Variants in SDK1 observed in about 807,000 individuals in gnomAD.
SDK1 encodes protein sidekick-1.
Under a neutral mutation model 245.5 loss-of-function variants are expected in SDK1, and 157 were observed. The observed-to-expected ratio is 0.64, with a 90% CI of 0.56 to 0.73. The LOEUF (loss-of-function observed/expected upper bound fraction) is 0.73. Among genes scored for constraint, SDK1 ranks in the 30% least tolerant of loss-of-function variants. The pLI, the probability that SDK1 is intolerant of heterozygous loss-of-function variation, is 0.00. For synonymous variants in SDK1, 1,647 were observed against 1,278.5 expected (o/e 1.29, Z -6.15); for missense variants, 3,583 against 3,002.3 (o/e 1.19, Z -4.52).
At chr7:3,599,429 C>T (rs1403283142) in intron 1 of SDK1, among the ~76,000 whole-genome samples, 2 of 152,170 alleles carry the variant, frequency 1.3e-5, no homozygotes, top group African/African-American at 4.8e-5. Flanking sequence ...TCTGTCTTCT[C>T]ATCTCTCCGT....
chr7:4,218,335 G>A (rs1784950481), intron 38 of SDK1, among the ~76,000 whole-genome samples: 1 of 152,146 alleles, frequency 6.6e-6, no homozygotes, highest in Non-Finnish European at 1.5e-5. Flanking sequence ...GGAGGTTGCA[G>A]TGAGCTGGGA....
intron 4 of SDK1, among the ~76,000 whole-genome samples, chr7:3,701,242 A>C (rs950020459): frequency 6.6e-6 from 1 of 152,250 alleles, no homozygotes; most frequent in South Asian, 2.1e-4. Context: ...GAACATATAC[A>C]GCACTTGATG....
intron 4 of SDK1, among the ~76,000 whole-genome samples, chr7:3,710,443 A>T (rs1326120090): frequency 2.0e-5 from 3 of 152,240 alleles, no homozygotes; most frequent in Non-Finnish European, 4.4e-5. Context: ...TAAAGTTCTC[A>T]TATTGGAATT....
intron 5 of SDK1, among the ~76,000 whole-genome samples, chr7:3,930,736 T>G (rs1779947658): frequency 6.6e-6 from 1 of 152,124 alleles, no homozygotes; most frequent in Non-Finnish European, 1.5e-5. Flanking sequence ...GAGGTTGCAG[T>G]GAGCTGAGAT....
intron 1 of SDK1, among the ~76,000 whole-genome samples, chr7:3,568,602 T>C (rs1443578583): frequency 6.6e-6 from 1 of 152,216 alleles, no homozygotes. Flanking sequence ...TATTGATCAC[T>C]ACATTCTAGA....
intron 1 of SDK1, among the ~76,000 whole-genome samples, chr7:3,559,064 G>T (rs1340045402): frequency 2.6e-5 from 4 of 152,122 alleles, no homozygotes; most frequent in Non-Finnish European, 5.9e-5. Flanking sequence ...GGTTAAGAAT[G>T]AAAATAGGAA....
At chr7:3,846,161 A>C (rs2115095101) in intron 5 of SDK1, among the ~76,000 whole-genome samples, 1 of 152,324 alleles carries the variant, frequency 6.6e-6, no homozygotes, top group South Asian at 2.1e-4. Flanking sequence ...TGAACTGAGT[A>C]GTAAAAGAGC....
intron 4 of SDK1, among the ~76,000 whole-genome samples, chr7:3,704,373 T>C (rs1303189653): frequency 2.0e-5 from 3 of 151,918 alleles, no homozygotes; most frequent in Non-Finnish European, 4.4e-5. Flanking sequence ...ATTTTTTTTT[T>C]TTTTACTTTT....
At chr7:3,381,669 G>A (rs946118306) in intron 1 of SDK1, among the ~76,000 whole-genome samples, 4 of 152,158 alleles carry the variant, frequency 2.6e-5, no homozygotes, top group African/African-American at 9.7e-5. Flanking sequence ...GGTGGAAGGG[G>A]TTGAGATCCA....
intron 1 of SDK1, among the ~76,000 whole-genome samples, chr7:3,391,437 G>A (rs1020986568): frequency 6.6e-6 from 1 of 151,930 alleles, no homozygotes; most frequent in Non-Finnish European, 1.5e-5. Context: ...GTTGTTTCTG[G>A]AGGTCTTGCT....
At chr7:3,592,558 A>G (rs899285474) in intron 1 of SDK1, among the ~76,000 whole-genome samples, 3 of 152,080 alleles carry the variant, frequency 2.0e-5, no homozygotes, top group African/African-American at 7.2e-5. Context: ...CTGCCCAGTG[A>G]AGGTTATTTA....
In SDK1 at chr7:3,303,068, C is replaced by G. The variant is rs558592994; in HGVS notation, c.298+1184C>G. ...TATCTAAATTGTGCCCCTCCACCCC[C>G]CTCCAGCTTTCATAAATGCTCCCTC... On this transcript the variant is annotated intron_variant, in intron 1 of 44. Coordinates refer to ENST00000404826, the MANE Select transcript of SDK1 (RefSeq NM_152744.4). Among the ~76,000 whole-genome samples, 6 of 152,298 alleles carry G rather than the reference C, an allele frequency of 3.9e-5. No individual in the cohort carries two copies. The South Asian group carries it at 6.2e-4, about 16-fold the overall frequency.
At chr7:3,441,545 C>G (rs1284564359) in intron 1 of SDK1, among the ~76,000 whole-genome samples, 1 of 152,090 alleles carries the variant, frequency 6.6e-6, no homozygotes, top group Non-Finnish European at 1.5e-5. Flanking sequence ...TATTTTTGGA[C>G]TCTGTTTTGT....
chr7:4,033,945 G>GTA (rs1788030290), intron 17 of SDK1, among the ~76,000 whole-genome samples: 1 of 152,158 alleles, frequency 6.6e-6, no homozygotes, highest in Non-Finnish European at 1.5e-5. Context: ...CACAAAGTAT[G>GTA]TATACATCAC....
At chr7:3,573,799 T>C (rs1163739199) in intron 1 of SDK1, among the ~76,000 whole-genome samples, 1 of 151,950 alleles carries the variant, frequency 6.6e-6, no homozygotes, top group African/African-American at 2.4e-5. Context: ...TAAGTCATGC[T>C]GAGAACCCTT....
At chr7:4,053,558 G>C (rs1779018367) in intron 19 of SDK1, among the ~76,000 whole-genome samples, 2 of 152,006 alleles carry the variant, frequency 1.3e-5, no homozygotes, top group South Asian at 4.2e-4. Flanking sequence ...GCTGCCCCTG[G>C]AGCTGCCGGG....
intron 1 of SDK1, among the ~76,000 whole-genome samples, chr7:3,597,124 T>G (rs1781092594): frequency 6.6e-6 from 1 of 151,748 alleles, no homozygotes; most frequent in African/African-American, 2.4e-5. Context: ...CACAAAAAAT[T>G]AGCCGGATGT....
intron 1 of SDK1, among the ~76,000 whole-genome samples, chr7:3,480,078 A>C (rs1781468208): frequency 6.6e-6 from 1 of 152,230 alleles, no homozygotes; most frequent in Non-Finnish European, 1.5e-5. Context: ...AGGGGAATTA[A>C]GATAGCAGAA....
rs182032869 is a variant in SDK1 at position 3,850,691 on chromosome 7, G to A, written c.847+29108G>A. Among the ~76,000 whole-genome samples the A allele has an allele frequency of 6.9e-3, 1,056 of 152,230 alleles. 14 individuals carry two copies. Among genetic ancestry groups the A allele is most frequent in the African/African-American group, 0.024 (984 of 41,524 alleles). On this transcript the variant is annotated intron_variant, in intron 5 of 44. Coordinates refer to ENST00000404826, the MANE Select transcript of SDK1 (RefSeq NM_152744.4). ...ACTATGCGGCCATAAAAAAGGATGC[G>A]TTCATGTCTTTTGTAGGGACATGGA...
Sources: gnomAD v4.1 joint callset for allele counts (sites outside exome capture counted in the v4.1 genomes callset) on GRCh38, gnomAD v4.1.1 for gene constraint, MANE v1.5 for transcripts, NCBI Gene and HGNC (gene_info 2026-07-23, HGNC 2026-07-21) for gene names.